Variants in SEMA6A observed in about 807,000 individuals in gnomAD.
SEMA6A encodes semaphorin 6A.
A neutral mutation model predicts 96.8 loss-of-function variants in SEMA6A; 25 were observed. That is an observed-to-expected ratio of 0.26 (90% CI 0.19 to 0.36). The LOEUF (loss-of-function observed/expected upper bound fraction) is 0.36. Ranked by LOEUF, SEMA6A falls within the 10% of genes least tolerant of loss-of-function variation. SEMA6A has a pLI of 1.00. For missense variants in SEMA6A, 1,363 were observed against 1,323.1 expected (o/e 1.03, Z -0.47); for synonymous variants, 612 against 518.0 (o/e 1.18, Z -2.46).
rs1390657246 is a variant in SEMA6A at position 116,477,835 on chromosome 5, A to C, written c.1649+11T>G. 1 of 1,613,210 alleles carries C rather than the reference A, an allele frequency of 6.2e-7. No homozygotes were observed. Among genetic ancestry groups the C allele is most frequent in the African/African-American group, 1.3e-5 (1 of 74,920 alleles). On this transcript the variant is annotated intron_variant, in intron 15 of 18. Coordinates refer to ENST00000343348, the MANE Select transcript of SEMA6A (RefSeq NM_020796.5). ...GCCACTTCACCCTCTCCCACACCTC[A>C]GGCTGCCTACCTGCTGTTGGGTGAT...
intron 1 of SEMA6A, among the ~76,000 whole-genome samples, chr5:116,570,560 A>G (rs1246346057): frequency 1.1e-4 from 16 of 152,216 alleles, no homozygotes. Flanking sequence ...GCCTTACACA[A>G]ATGGCAGATG....
intron 2 of SEMA6A, 110 bp downstream of exon 2, chr5:116,504,735 G>T: frequency 1.2e-6 from 1 of 801,160 alleles, no homozygotes; most frequent in Non-Finnish European, 2.1e-6. Flanking sequence ...ACATACAGAG[G>T]ACTAATAAGT....
intron 9 of SEMA6A, chr5:116,487,220 A>G (rs1029817440): frequency 2.8e-5 from 12 of 421,622 alleles, no homozygotes; most frequent in Middle Eastern, 1.3e-3. Context: ...GCTCCGAGCC[A>G]CATAAAGTCA....
intron 16 of SEMA6A, among the ~76,000 whole-genome samples, chr5:116,474,042 G>C (rs1448474004): frequency 6.6e-6 from 1 of 152,152 alleles, no homozygotes; most frequent in Non-Finnish European, 1.5e-5. Context: ...GCTACATACA[G>C]AGGCTTCCTT....
chr5:116,472,928 T>A, intron 17 of SEMA6A, 145 bp downstream of exon 17: 1 of 1,526,264 alleles, frequency 6.6e-7, no homozygotes. Context: ...GTAGAGGAGT[T>A]GAAATGTCTA....
rs1199293041 is a variant in SEMA6A, at chr5:116,496,425, T to C, written c.280-112A>G. ...GGCTGAACATATATTTATTGAAAGCTTTCTGCACCCTTTCTCCATGATTAA... is the reference window on the plus strand; with the variant it reads ...GGCTGAACATATATTTATTGAAAGCCTTCTGCACCCTTTCTCCATGATTAA... On this transcript the variant is annotated intron_variant, in intron 4 of 18. Transcript: ENST00000343348. The C allele has an allele frequency of 1.2e-5, 9 of 779,174 alleles. No individual in the cohort carries two copies. In the East Asian group the frequency reaches 2.2e-4, roughly 19 times the overall value. 48.3% of individuals were successfully genotyped at this position (779,174 alleles called of 1,614,324 possible). A position where few individuals can be genotyped will look rare whatever the true frequency, so the allele number is the denominator to read the frequency against.
intron 1 of SEMA6A, among the ~76,000 whole-genome samples, chr5:116,542,854 C>T (rs570319070): frequency 2.0e-5 from 3 of 152,276 alleles, no homozygotes; most frequent in Admixed American, 6.5e-5. Context: ...TTCACTTCCC[C>T]GGCCTGGCAA....
chr5:116,526,381 A>G (rs1437612177), intron 1 of SEMA6A, among the ~76,000 whole-genome samples: 1 of 152,156 alleles, frequency 6.6e-6, no homozygotes. Flanking sequence ...TACTTGAGTG[A>G]GCTCTATCAT....
chr5:116,473,226 T>C (rs187306665), intron 16 of SEMA6A, 133 bp from the exon 17 acceptor site: 1 of 806,052 alleles, frequency 1.2e-6, no homozygotes, highest in East Asian at 2.7e-5. Flanking sequence ...TGCTTTTTAA[T>C]TTCTGCGTGT....
intron 2 of SEMA6A, 140 bp from the exon 3 acceptor site, chr5:116,502,467 GTC>G: frequency 1.6e-6 from 1 of 644,906 alleles, no homozygotes; most frequent in Non-Finnish European, 2.8e-6. Flanking sequence ...TTCCATATGA[GTC>G]TGTTATTTTA....
intron 1 of SEMA6A, among the ~76,000 whole-genome samples, chr5:116,545,813 G>C (rs1760163772): frequency 6.6e-6 from 1 of 152,134 alleles, no homozygotes; most frequent in South Asian, 2.1e-4. Context: ...TCTAGTCTTT[G>C]GATGAAGACT....
At chr5:116,521,988 A>G (rs186799704) in intron 1 of SEMA6A, among the ~76,000 whole-genome samples, 3 of 152,338 alleles carry the variant, frequency 2.0e-5, no homozygotes, top group East Asian at 3.9e-4. Context: ...TTTTGATCCA[A>G]ATAGCTTTGG....
chr5:116,461,521 C>G (rs1755396301), intron 18 of SEMA6A, among the ~76,000 whole-genome samples: 1 of 151,932 alleles, frequency 6.6e-6, no homozygotes, highest in African/African-American at 2.4e-5. Context: ...TGCCAACACT[C>G]CCACAAAAAT....
chr5:116,459,334 A>C (rs1755224570), intron 18 of SEMA6A, among the ~76,000 whole-genome samples: 1 of 152,140 alleles, frequency 6.6e-6, no homozygotes, highest in Admixed American at 6.5e-5. Flanking sequence ...TAAATGAACA[A>C]TTTATTATAT....
intron 1 of SEMA6A, among the ~76,000 whole-genome samples, chr5:116,560,163 C>T (rs960117617): frequency 1.3e-5 from 2 of 152,302 alleles, no homozygotes; most frequent in Middle Eastern, 6.8e-3. Flanking sequence ...GACCTCACTC[C>T]GCAATTGAAA....
chr5:116,535,624 G>A (rs1050965482), intron 1 of SEMA6A, among the ~76,000 whole-genome samples: 7 of 152,134 alleles, frequency 4.6e-5, no homozygotes, highest in African/African-American at 1.7e-4. Flanking sequence ...AATTCCATGC[G>A]GTCCTGACAC....
chr5:116,573,526 G>A (rs993114132), intron 1 of SEMA6A, among the ~76,000 whole-genome samples: 5 of 152,080 alleles, frequency 3.3e-5, no homozygotes, highest in Admixed American at 6.5e-5. Flanking sequence ...AACAAAGCCC[G>A]GAACCTCTGG....
chr5:116,509,227 A>G (rs954908989), intron 1 of SEMA6A, among the ~76,000 whole-genome samples: 4 of 152,234 alleles, frequency 2.6e-5, no homozygotes, highest in Non-Finnish European at 4.4e-5. Context: ...GAAAAATAAT[A>G]TATCTGGATT....
chr5:116,537,878 C>G (rs1426451471), intron 1 of SEMA6A, among the ~76,000 whole-genome samples: 2 of 152,090 alleles, frequency 1.3e-5, no homozygotes, highest in Non-Finnish European at 2.9e-5. Context: ...TTCATCTGCT[C>G]CTAAAAACTT....
Sources: allele counts gnomAD v4.1 joint callset (sites outside exome capture counted in the v4.1 genomes callset), GRCh38; gene constraint gnomAD v4.1.1; transcripts MANE v1.5; gene names NCBI Gene and HGNC (gene_info 2026-07-23, HGNC 2026-07-21).